Variants in LRRC4C observed in about 807,000 individuals in gnomAD.
The protein encoded by LRRC4C is leucine rich repeat containing 4C, also known as leucine-rich repeat-containing protein 4C.
A neutral mutation model predicts 33.6 loss-of-function variants in LRRC4C; 5 were observed. That is an observed-to-expected ratio of 0.15 (90% confidence interval 0.08 to 0.31). LRRC4C has a LOEUF of 0.31. Among genes scored for constraint, LRRC4C ranks in the 10% least tolerant of loss-of-function variants. The probability of loss-of-function intolerance (pLI) is 1.00; values close to 1 mark genes in which losing one functional copy is unlikely to be tolerated. For synonymous variants in LRRC4C, 329 were observed against 302.0 expected, an observed-to-expected ratio of 1.09 and a Z score of -0.93; for missense variants, 560 against 796.7, an observed-to-expected ratio of 0.70 and a Z score of 3.58.
chr11:41,393,216 G>A (rs534907125), intron 1 of LRRC4C, among the ~76,000 whole-genome samples: 171 of 151,802 alleles, frequency 1.1e-3, no homozygotes, highest in African/African-American at 3.7e-3. Context: ...AATTAATGTC[G>A]CTCATATTGT....
At chr11:40,338,475 T>TTGAA (rs1310864231) in intron 3 of LRRC4C, among the ~76,000 whole-genome samples, 1 of 152,222 alleles carries the variant, frequency 6.6e-6, no homozygotes, top group Non-Finnish European at 1.5e-5. Context: ...TAAAGTTCTG[T>TTGAA]TGAATACATG....
At chr11:41,288,607 C>T (rs1369852204) in intron 1 of LRRC4C, among the ~76,000 whole-genome samples, 1 of 152,096 alleles carries the variant, frequency 6.6e-6, no homozygotes, top group East Asian at 1.9e-4. Context: ...GTTGAACTCC[C>T]ATAAATAAGA....
At position 40,494,483 on chromosome 11, in the gene LRRC4C, A is replaced by G. The variant is rs891892221; in HGVS notation, c.-270+153659T>C. 2.6e-5 allele frequency among the ~76,000 whole-genome samples: 4 copies of G among 152,310 alleles called. No individual in the cohort carries two copies. In the South Asian group the frequency reaches 8.3e-4, roughly 32 times the overall value. On this transcript the variant is annotated intron_variant, in intron 3 of 6. Coordinates refer to ENST00000528697, the MANE Select transcript of LRRC4C (RefSeq NM_001258419.2). ...GGAATTAACGAATGTTGACATTTAT[A>G]TACTGGGTACCACCATTAGGGACCT...
At chr11:41,457,059 T>A (rs1403331697) in intron 1 of LRRC4C, among the ~76,000 whole-genome samples, 1 of 152,240 alleles carries the variant, frequency 6.6e-6, no homozygotes, top group Non-Finnish European at 1.5e-5. Context: ...TCATTACAAT[T>A]ATTAAATCTT....
At chr11:40,872,059 C>A (rs1295465644) in intron 2 of LRRC4C, among the ~76,000 whole-genome samples, 2 of 152,060 alleles carry the variant, frequency 1.3e-5, no homozygotes, top group Non-Finnish European at 2.9e-5. Context: ...GAGATAAGAG[C>A]CACAAGGTCA....
intron 4 of LRRC4C, among the ~76,000 whole-genome samples, chr11:40,273,111 T>G (rs1389918206): frequency 1.3e-5 from 2 of 152,210 alleles, no homozygotes; most frequent in South Asian, 2.1e-4. Context: ...ACTTTAAGCT[T>G]TAAATGTTCA....
chr11:40,127,008 A>G (rs148701159), intron 6 of LRRC4C, among the ~76,000 whole-genome samples: 9,776 of 151,964 alleles, frequency 0.064, 414 homozygotes, highest in Non-Finnish European at 0.089. Flanking sequence ...GGCCAGGTGT[A>G]GTGGCTCACG....
chr11:40,140,615 T>C (rs976900614), intron 6 of LRRC4C, among the ~76,000 whole-genome samples, 186 bp downstream of exon 6: 2 of 152,110 alleles, frequency 1.3e-5, no homozygotes, highest in Non-Finnish European at 2.9e-5. Context: ...TTCTACTATA[T>C]TGCGGCTTAT....
At position 40,142,277 on chromosome 11, in the gene LRRC4C, C is replaced by CA. The variant is rs10577509; in HGVS notation, c.-95-1425dup. On this transcript the variant is annotated intron_variant, in intron 5 of 6. Transcript: ENST00000528697. ...CGGGTGACACAGTGAGATTCTGTCT[C>CA]AAAAAAAAAAAAAAAAAAAAAAAAA... is the stretch of plus-strand genomic sequence containing the variant. 1.6e-4 allele frequency among the ~76,000 whole-genome samples: 10 copies of CA among 60,776 alleles called. 1 individual carries two copies. Among genetic ancestry groups the CA allele is most frequent in the African/African-American group, 6.6e-4 (10 of 15,204 alleles). The allele number at this position is 60,776 out of a possible 152,430, so 39.9% of individuals were successfully genotyped here.
rs191611446 is a variant in LRRC4C at position 40,282,259 on chromosome 11, C to T, written c.-176+37369G>A. 2.6e-3 allele frequency among the ~76,000 whole-genome samples: 399 copies of T among 152,140 alleles called. 4 individuals carry two copies. Among genetic ancestry groups the T allele is most frequent in the Non-Finnish European group, 3.9e-3 (262 of 68,006 alleles). ...ACTCGGGAGGCTGAGGCAGGAGAAT[C>T]GCTTGAATCTGGGAGGTGGAGGTTG... On this transcript the variant is annotated intron_variant, in intron 4 of 6. Coordinates refer to ENST00000528697, the MANE Select transcript of LRRC4C (RefSeq NM_001258419.2).
chr11:40,516,141 A>C (rs1255620662), intron 3 of LRRC4C, among the ~76,000 whole-genome samples: 1 of 152,108 alleles, frequency 6.6e-6, no homozygotes, highest in Non-Finnish European at 1.5e-5. Context: ...CATTACTTGC[A>C]TTATGACATT....
chr11:41,185,502 A>T (rs1945654061), intron 1 of LRRC4C, among the ~76,000 whole-genome samples: 1 of 152,216 alleles, frequency 6.6e-6, no homozygotes, highest in African/African-American at 2.4e-5. Context: ...AGTTGCATGT[A>T]TAACCTCACC....
At chr11:40,117,755 G>T (rs1230006538) in intron 6 of LRRC4C, among the ~76,000 whole-genome samples, 3 of 151,762 alleles carry the variant, frequency 2.0e-5, no homozygotes, top group Non-Finnish European at 4.4e-5. Flanking sequence ...ATTCAAAAAG[G>T]CACTAATTTC....
intron 2 of LRRC4C, among the ~76,000 whole-genome samples, chr11:40,765,513 T>A (rs997102896): frequency 1.3e-5 from 2 of 152,160 alleles, no homozygotes; most frequent in African/African-American, 2.4e-5. Context: ...GTGACAGAGA[T>A]GTGTTACCTT....
At chr11:40,188,721 C>T (rs1861600919) in intron 5 of LRRC4C, among the ~76,000 whole-genome samples, 1 of 152,112 alleles carries the variant, frequency 6.6e-6, no homozygotes, top group Admixed American at 6.5e-5. Flanking sequence ...AACACACACA[C>T]ACATGCACAC....
At chr11:41,353,260 A>G (rs1235988641) in intron 1 of LRRC4C, among the ~76,000 whole-genome samples, 2 of 152,164 alleles carry the variant, frequency 1.3e-5, no homozygotes, top group Non-Finnish European at 2.9e-5. Flanking sequence ...CACAAACTAG[A>G]AAACCTAAAA....
At chr11:40,966,394 T>TG (rs1828259145) in intron 1 of LRRC4C, among the ~76,000 whole-genome samples, 2 of 151,882 alleles carry the variant, frequency 1.3e-5, no homozygotes, top group African/African-American at 4.8e-5. Context: ...AGGAAAAAGA[T>TG]GGAGTTTTTA....
chr11:40,288,517 C>T lies in LRRC4C; in HGVS notation c.-176+31111G>A, dbSNP rs963200177. The stretch of plus-strand genomic sequence containing the variant: ...TTTTCTCTTAAGGGGAAAACAGGTC[C>T]CTAGAAGAATATTAAGGAAATGGAC... On this transcript the variant is annotated intron_variant, in intron 4 of 6. Transcript: ENST00000528697. 4.1e-4 allele frequency among the ~76,000 whole-genome samples: 63 copies of T among 152,114 alleles called. 1 individual carries two copies. Among genetic ancestry groups the T allele is most frequent in the Admixed American group, 4.0e-3 (61 of 15,280 alleles).
At chr11:40,353,099 T>C (rs1474967776) in intron 3 of LRRC4C, among the ~76,000 whole-genome samples, 1 of 152,238 alleles carries the variant, frequency 6.6e-6, no homozygotes, top group Non-Finnish European at 1.5e-5. Context: ...AATGTTCTTG[T>C]ACTTGAATAT....
Sources: allele counts gnomAD v4.1 joint callset (sites outside exome capture counted in the v4.1 genomes callset), GRCh38; gene constraint gnomAD v4.1.1; transcripts MANE v1.5; gene names NCBI Gene and HGNC (gene_info 2026-07-23, HGNC 2026-07-21).